Variants in MIER1 observed in about 807,000 individuals in gnomAD.
The protein encoded by MIER1 is mesoderm induction early response protein 1.
In MIER1, 40 loss-of-function variants were observed where a neutral mutation model predicts 75.7. The observed-to-expected ratio is 0.53, with a 90% CI of 0.41 to 0.69. MIER1 has a LOEUF of 0.69. Ranked by LOEUF, MIER1 falls within the 30% of genes least tolerant of loss-of-function variation. The pLI is 0.00. For synonymous variants in MIER1, 213 were observed against 223.4 expected, an observed-to-expected ratio of 0.95 and a Z score of 0.42; for missense variants, 574 against 680.2, an observed-to-expected ratio of 0.84 and a Z score of 1.74.
At chr1:66,962,731 A>G (rs1661509501) in intron 7 of MIER1, among the ~76,000 whole-genome samples, 1 of 152,104 alleles carries the variant, frequency 6.6e-6, no homozygotes, top group African/African-American at 2.4e-5. Flanking sequence ...CATATTTAAG[A>G]CCACTGTCTT....
chr1:66,975,536 GAAAA>G (rs942068714), intron 11 of MIER1, among the ~76,000 whole-genome samples: 11 of 141,152 alleles, frequency 7.8e-5, no homozygotes, highest in African/African-American at 2.5e-4. Context: ...AAAAAAAAAA[GAAAA>G]AGAAAGGAAA....
At chr1:66,940,852 C>T (rs1656046631) in intron 3 of MIER1, among the ~76,000 whole-genome samples, 2 of 152,106 alleles carry the variant, frequency 1.3e-5, no homozygotes, top group African/African-American at 4.8e-5. Context: ...CCTCAGTGTC[C>T]AGTGACTGTC....
intron 7 of MIER1, among the ~76,000 whole-genome samples, chr1:66,960,819 C>G (rs1354318644): frequency 1.3e-5 from 2 of 152,178 alleles, no homozygotes; most frequent in African/African-American, 4.8e-5. Context: ...GGCAAGGGTT[C>G]TTTCATCCTG....
At chr1:66,975,401 A>G (rs1053650542) in intron 11 of MIER1, among the ~76,000 whole-genome samples, 12 of 151,922 alleles carry the variant, frequency 7.9e-5, no homozygotes, top group Admixed American at 2.0e-4. Flanking sequence ...GTGGCATGCA[A>G]TTGTGGTCCC....
At chr1:66,975,578 A>C (rs1051987868) in intron 11 of MIER1, among the ~76,000 whole-genome samples, 1 of 152,146 alleles carries the variant, frequency 6.6e-6, no homozygotes, top group African/African-American at 2.4e-5. Flanking sequence ...ATTTATATAC[A>C]TCAGCCCTAA....
At chr1:66,925,853 A>G (rs1254962140) in intron 1 of MIER1, among the ~76,000 whole-genome samples, 1 of 152,176 alleles carries the variant, frequency 6.6e-6, no homozygotes, top group Non-Finnish European at 1.5e-5. Context: ...ATGTAATTAC[A>G]AGATTGACTT....
chr1:66,973,120 T>C, intron 11 of MIER1, 129 bp downstream of exon 11: 1 of 589,220 alleles, frequency 1.7e-6, no homozygotes, highest in South Asian at 2.1e-5. Context: ...TTTTGGTATT[T>C]AGTGAGTAAT....
chr1:66,928,902 A>C (rs1441936945), intron 2 of MIER1: 4 of 1,605,980 alleles, frequency 2.5e-6, no homozygotes, highest in Non-Finnish European at 3.4e-6. Context: ...AATGTGCATC[A>C]GATGTTTATG....
At chr1:66,966,131 A>G (rs575256870) in intron 8 of MIER1, among the ~76,000 whole-genome samples, 1 of 151,990 alleles carries the variant, frequency 6.6e-6, no homozygotes, top group South Asian at 2.1e-4. Context: ...GGTGTGCTGC[A>G]CCCATTAACT....
At chr1:66,940,278 T>C (rs1655899646) in intron 3 of MIER1, 13 of 371,360 alleles carry the variant, frequency 3.5e-5, no homozygotes, top group Non-Finnish European at 5.2e-5. Context: ...TTCTTTTTTT[T>C]TTTTTTTTTT....
chr1:66,963,147 A>C lies in MIER1; in HGVS notation c.759A>C (p.Lys253Asn). 2 of 1,609,036 alleles carry C rather than the reference A, an allele frequency of 1.2e-6. No homozygotes were observed. Among genetic ancestry groups the C allele is most frequent in the Non-Finnish European group, 1.7e-6 (2 of 1,175,640 alleles). The change falls in exon 8 of 14, where the codon AAA becomes AAC. Residue 253 changes from lysine to asparagine, a missense_variant. Physicochemically the swap from Lys to Asn is moderately conservative, Grantham distance 94. Transcript: ENST00000401041. ...AEIPVGICRY[K>N]ENEKVYENDD... is the part of the protein sequence containing the mutation. ...TTCCAGTTGGCATTTGTAGATACAA[A>C]GAAAATGAAAAAGGTGGGTTATTAG...
At chr1:66,981,749 T>G (rs1271523335) in intron 12 of MIER1, 30 bp from the exon 13 acceptor site, 2 of 1,534,880 alleles carry the variant, frequency 1.3e-6, no homozygotes, top group East Asian at 4.9e-5. Flanking sequence ...CAGCTCTTTT[T>G]AATATAAAAA....
At chr1:66,966,639 C>T (rs895094029) in intron 8 of MIER1, among the ~76,000 whole-genome samples, 6 of 152,260 alleles carry the variant, frequency 3.9e-5, no homozygotes, top group Middle Eastern at 3.4e-3. Context: ...TGAACTAGTT[C>T]ACAGTCCCAC....
chr1:66,984,778 G>A lies in MIER1; in HGVS notation c.1576G>A (p.Glu526Lys), dbSNP rs779561145. 8 of 1,614,004 alleles carry A rather than the reference G, an allele frequency of 5.0e-6. No homozygotes were observed. Among genetic ancestry groups the A allele is most frequent in the Non-Finnish European group, 6.8e-6 (8 of 1,179,924 alleles). ...TGAAAATGATTTTGATGAAAAAAGT[G>A]AGAGACCTGCCAAAAGGCGAAGGGT... ...RNENDFDEKS[E>K]RPAKRRRVNS... is the part of the protein sequence containing the mutation. The change falls in exon 14 of 14, where the codon GAG becomes AAG. Residue 526 changes from glutamate (E) to lysine (K), a missense_variant. Coordinates refer to ENST00000401041, the MANE Select transcript of MIER1 (RefSeq NM_001077700.3).
At chr1:66,955,241 C>T (rs1171574206) in intron 4 of MIER1, among the ~76,000 whole-genome samples, 1 of 150,812 alleles carries the variant, frequency 6.6e-6, no homozygotes, top group Non-Finnish European at 1.5e-5. Flanking sequence ...TATTACCTCC[C>T]ATTGGAAAGG....
chr1:66,956,145 G>A (rs1255325689), intron 4 of MIER1, among the ~76,000 whole-genome samples: 1 of 152,152 alleles, frequency 6.6e-6, no homozygotes, highest in African/African-American at 2.4e-5. Flanking sequence ...GCTTTAGGCT[G>A]GGCACGGTGG....
In MIER1 at chr1:66,964,141, G is replaced by A. The variant is rs866690861; in HGVS notation, c.772+981G>A. ...GACTGGAGTGCAATGGCATGATCTC[G>A]GCTCACTGCAACCTCCACCTCCTGG... On this transcript the variant is annotated intron_variant, in intron 8 of 13. Coordinates refer to ENST00000401041, the MANE Select transcript of MIER1 (RefSeq NM_001077700.3). Among the ~76,000 whole-genome samples, 9 of 148,768 alleles carry A rather than the reference G, an allele frequency of 6.0e-5. No individual in the cohort carries two copies. The Middle Eastern group carries it at 0.011, about 178-fold the overall frequency.
At chr1:66,930,187 C>A (rs1558011026) in intron 2 of MIER1, 5 of 1,354,866 alleles carry the variant, frequency 3.7e-6, no homozygotes, top group South Asian at 1.7e-5. Flanking sequence ...TCCCTCCAGT[C>A]CAGCCCAGCC....
chr1:66,947,039 A>T (rs1009539837), intron 4 of MIER1: 3 of 975,254 alleles, frequency 3.1e-6, no homozygotes, highest in Non-Finnish European at 3.7e-6. Flanking sequence ...AAAATGTAGT[A>T]TGAGGGTCAG....
Sources: gnomAD v4.1 joint callset for allele counts (sites outside exome capture counted in the v4.1 genomes callset) on GRCh38, gnomAD v4.1.1 for gene constraint, MANE v1.5 for transcripts, NCBI Gene and HGNC (gene_info 2026-07-23, HGNC 2026-07-21) for gene names.